Variants in CHRNA7 observed in about 807,000 individuals in gnomAD.
CHRNA7 encodes cholinergic receptor nicotinic alpha 7 subunit.
A neutral mutation model predicts 48.0 loss-of-function variants in CHRNA7; 17 were observed. The observed-to-expected ratio is 0.35, with a 90% CI of 0.24 to 0.53. The LOEUF (loss-of-function observed/expected upper bound fraction) is 0.53, where lower values mean the gene tolerates loss of function less well. Ranked by LOEUF, CHRNA7 falls within the 20% of genes least tolerant of loss-of-function variation. CHRNA7 has a pLI of 0.92. For missense variants in CHRNA7, 155 were observed against 577.7 expected (o/e 0.27, Z 7.50); for synonymous variants, 75 against 242.3 (o/e 0.31, Z 6.41).
intron 4 of CHRNA7, among the ~76,000 whole-genome samples, chr15:32,134,534 T>A (rs1405238765): frequency 6.6e-6 from 1 of 152,180 alleles, no homozygotes; most frequent in Non-Finnish European, 1.5e-5. Flanking sequence ...ATGAAAACTG[T>A]ATGAGGAATG....
At chr15:32,107,152 T>G (rs1427773978) in intron 3 of CHRNA7, among the ~76,000 whole-genome samples, 1 of 152,216 alleles carries the variant, frequency 6.6e-6, no homozygotes, top group Non-Finnish European at 1.5e-5. Flanking sequence ...ATGACTTTTC[T>G]AGCACCAACA....
chr15:32,050,749 G>A (rs1466990133), intron 2 of CHRNA7, among the ~76,000 whole-genome samples: 3 of 138,338 alleles, frequency 2.2e-5, no homozygotes, highest in Non-Finnish European at 4.6e-5. Flanking sequence ...CAGTTTTTCT[G>A]TTCTGTTTTT....
intron 2 of CHRNA7, among the ~76,000 whole-genome samples, chr15:32,047,054 GC>G (rs1304706567): frequency 7.4e-6 from 1 of 134,422 alleles, no homozygotes; most frequent in Non-Finnish European, 1.5e-5. Flanking sequence ...CCAGTACCAT[GC>G]TGTTTGGTTA....
intron 2 of CHRNA7, among the ~76,000 whole-genome samples, chr15:32,095,335 C>A (rs8028307): frequency 3.3e-5 from 5 of 152,214 alleles, no homozygotes; most frequent in East Asian, 1.9e-4. Flanking sequence ...ATTGAAGATC[C>A]TCTAAGTTTT....
At chr15:32,051,653 C>T (rs920672115) in intron 2 of CHRNA7, among the ~76,000 whole-genome samples, 2 of 152,146 alleles carry the variant, frequency 1.3e-5, no homozygotes, top group Admixed American at 6.5e-5. Context: ...TGCGCTGCAC[C>T]GACTGTGCTG....
At chr15:32,044,253 C>CCTTCCTTCCTTCCTTCCT (rs1555373127) in intron 2 of CHRNA7, among the ~76,000 whole-genome samples, 3 of 140,918 alleles carry the variant, frequency 2.1e-5, no homozygotes, top group Non-Finnish European at 4.6e-5. Context: ...CGATCTTTTC[C>CCTTCCTTCCTTCCTTCCT]TCCTTCCTTC....
intron 4 of CHRNA7, among the ~76,000 whole-genome samples, chr15:32,137,340 C>CG (rs1174857519): frequency 2.6e-5 from 4 of 151,280 alleles, no homozygotes; most frequent in Non-Finnish European, 5.9e-5. Context: ...ACAACACCCC[C>CG]CCCCCACACA....
intron 4 of CHRNA7, among the ~76,000 whole-genome samples, chr15:32,114,057 T>TACACAC: frequency 2.9e-5 from 1 of 34,178 alleles, no homozygotes; most frequent in South Asian, 1.9e-3. Context: ...TATATATATA[T>TACACAC]ATACATATAT....
intron 3 of CHRNA7, chr15:32,101,998 C>T (rs1213053749): frequency 6.6e-6 from 1 of 152,144 alleles, no homozygotes; most frequent in Non-Finnish European, 1.5e-5. Flanking sequence ...TATGAACAAG[C>T]CTTTTTTTAA....
At chr15:32,087,100 T>G (rs1299525516) in intron 2 of CHRNA7, among the ~76,000 whole-genome samples, 1 of 152,220 alleles carries the variant, frequency 6.6e-6, no homozygotes, top group Non-Finnish European at 1.5e-5. Context: ...AGTGTCTACA[T>G]AAATTGAAAT....
At chr15:32,078,244 A>G (rs915598576) in intron 2 of CHRNA7, among the ~76,000 whole-genome samples, 1 of 152,104 alleles carries the variant, frequency 6.6e-6, no homozygotes, top group Non-Finnish European at 1.5e-5. Context: ...CAGTCTATCA[A>G]TTCTTTCTTT....
Position 32,168,765 on chromosome 15 carries a change from G to GATAC in CHRNA7, c.*307_*308insATAC. ...GAAAGCCCTTCGGAGAGCTCCCCATGGCTCCTCACCACCGAGACAGTTGGT... is the reference window on the plus strand; with the variant it reads ...GAAAGCCCTTCGGAGAGCTCCCCATGATACGCTCCTCACCACCGAGACAGTTGGT... On this transcript the variant is annotated 3_prime_UTR_variant, in exon 10 of 10. Coordinates refer to ENST00000306901, the MANE Select transcript of CHRNA7 (RefSeq NM_000746.6). 4.7e-5 allele frequency: 2 copies of GATAC among 42,280 alleles called. No homozygotes were observed. Among genetic ancestry groups the GATAC allele is most frequent in the South Asian group, 2.6e-4 (1 of 3,820 alleles). The allele number at this position is 42,280 out of a possible 1,614,324, so 2.6% of individuals were successfully genotyped here. A position where few individuals can be genotyped will look rare whatever the true frequency, so the allele number is the denominator to read the frequency against.
chr15:32,053,234 A>G (rs1447366367), intron 2 of CHRNA7, among the ~76,000 whole-genome samples: 1 of 152,214 alleles, frequency 6.6e-6, no homozygotes, highest in Admixed American at 6.5e-5. Flanking sequence ...ACCACTGAAG[A>G]TATTCCCTGA....
chr15:32,071,497 A>T (rs370917162), intron 2 of CHRNA7, among the ~76,000 whole-genome samples: 1 of 152,196 alleles, frequency 6.6e-6, no homozygotes, highest in Non-Finnish European at 1.5e-5. Flanking sequence ...CACCTAAGCC[A>T]TTTGATATGG....
At chr15:32,140,084 C>G (rs551806801) in intron 4 of CHRNA7, among the ~76,000 whole-genome samples, 12 of 150,730 alleles carry the variant, frequency 8.0e-5, no homozygotes, top group Admixed American at 2.6e-4. Context: ...CCCCCCACCC[C>G]CCGAGAGGCC....
chr15:32,122,943 T>G (rs866156919), intron 4 of CHRNA7, among the ~76,000 whole-genome samples: 1 of 152,006 alleles, frequency 6.6e-6, no homozygotes, highest in South Asian at 2.1e-4. Context: ...GAGGACTACT[T>G]TCAAATATTG....
intron 2 of CHRNA7, among the ~76,000 whole-genome samples, chr15:32,095,455 G>A (rs1191914651): frequency 6.6e-6 from 1 of 152,160 alleles, no homozygotes; most frequent in Non-Finnish European, 1.5e-5. Context: ...TAAATAGCAA[G>A]ATGTTAACAT....
chr15:32,149,487 C>G lies in CHRNA7; in HGVS notation c.351-4420C>G, dbSNP rs1226051491. On this transcript the variant is annotated intron_variant, in intron 4 of 9. Coordinates refer to ENST00000306901, the MANE Select transcript of CHRNA7 (RefSeq NM_000746.6). This position sits in a 1 kb window ranked among gnomAD's most constrained non-coding sequence, Gnocchi z 4.6. ...TGTTTTCAAACTCAGTTTTCAGCAACAGGGCCTTTCTTCAAACTCATCTTA... is the reference window on the plus strand; with the variant it reads ...TGTTTTCAAACTCAGTTTTCAGCAAGAGGGCCTTTCTTCAAACTCATCTTA... Among the ~76,000 whole-genome samples the G allele has an allele frequency of 2.0e-5, 3 of 152,176 alleles. No individual in the cohort carries two copies. The highest frequency in any genetic ancestry group is 4.4e-5 in the Non-Finnish European group (3 of 68,028).
At chr15:32,147,849 A>G (rs1252698054) in intron 4 of CHRNA7, among the ~76,000 whole-genome samples, 1 of 152,192 alleles carries the variant, frequency 6.6e-6, no homozygotes, top group Non-Finnish European at 1.5e-5. Flanking sequence ...CTGTTCAGAA[A>G]ATTTACCCAT....
Sources: gnomAD v4.1 joint callset for allele counts (sites outside exome capture counted in the v4.1 genomes callset) on GRCh38, gnomAD v4.1.1 for gene constraint, Gnocchi (gnomAD v3.1) non-coding constraint, MANE v1.5 for transcripts, NCBI Gene and HGNC (gene_info 2026-07-23, HGNC 2026-07-21) for gene names.